The following KDM4C variants were observed in gnomAD, a reference collection of about 807,000 sequenced individuals.
The protein encoded by KDM4C is lysine-specific demethylase 4C.
Under a neutral mutation model 129.3 loss-of-function variants are expected in KDM4C, and 81 were observed. The ratio of observed to expected loss-of-function variants is 0.63; its 90% CI spans 0.52 to 0.75. KDM4C has a LOEUF of 0.75. Ranked by LOEUF, KDM4C falls within the 30% of genes least tolerant of loss-of-function variation. KDM4C has a pLI of 0.00. For synonymous variants in KDM4C, 573 were observed against 456.1 expected, an observed-to-expected ratio of 1.26 and a Z score of -3.26; for missense variants, 1,457 against 1,304.0, an observed-to-expected ratio of 1.12 and a Z score of -1.81.
intron 15 of KDM4C, among the ~76,000 whole-genome samples, chr9:7,019,669 T>C (rs1824303543): frequency 1.0e-5 from 1 of 97,138 alleles, no homozygotes; most frequent in Admixed American, 1.0e-4. Context: ...AGATTCTCTT[T>C]AAAAAGAGAG....
intron 17 of KDM4C, among the ~76,000 whole-genome samples, chr9:7,087,797 A>C (rs1835309986): frequency 6.6e-6 from 1 of 152,250 alleles, no homozygotes; most frequent in African/African-American, 2.4e-5. Context: ...TTTTATTTCT[A>C]AATGTCAATA....
intron 1 of KDM4C, chr9:6,721,190 C>T: frequency 2.2e-6 from 1 of 451,786 alleles, no homozygotes; most frequent in East Asian, 3.4e-5. Context: ...TCTCCCACCC[C>T]AGTCTTCCCA....
intron 5 of KDM4C, among the ~76,000 whole-genome samples, chr9:6,870,656 C>T (rs553433265): frequency 1.5e-3 from 226 of 152,104 alleles, no homozygotes; most frequent in Non-Finnish European, 2.7e-3. Context: ...GTCAGGCATA[C>T]AAGCTTATGC....
At chr9:7,029,928 T>G (rs1343550474) in intron 15 of KDM4C, among the ~76,000 whole-genome samples, 2 of 152,170 alleles carry the variant, frequency 1.3e-5, no homozygotes, top group Non-Finnish European at 2.9e-5. Flanking sequence ...AAACTCCAAA[T>G]AAAGTATCAG....
intron 5 of KDM4C, among the ~76,000 whole-genome samples, chr9:6,865,759 T>A (rs201798586): frequency 0.02 from 690 of 34,494 alleles, 4 homozygotes; most frequent in South Asian, 0.051. Flanking sequence ...TTATTTATTT[T>A]TTTTTTTGTG....
chr9:7,058,644 A>AAC (rs1212614843), intron 17 of KDM4C, among the ~76,000 whole-genome samples: 1 of 152,200 alleles, frequency 6.6e-6, no homozygotes, highest in Non-Finnish European at 1.5e-5. Context: ...ATTAAAAAAA[A>AAC]AGCCAGTTTC....
At chr9:6,730,959 C>T (rs1175058593) in intron 1 of KDM4C, among the ~76,000 whole-genome samples, 1 of 152,194 alleles carries the variant, frequency 6.6e-6, no homozygotes, top group Non-Finnish European at 1.5e-5. Flanking sequence ...AGTTAGGTTG[C>T]AGCTTGACCA....
chr9:6,860,763 A>G (rs192689535), intron 5 of KDM4C, among the ~76,000 whole-genome samples: 1 of 152,194 alleles, frequency 6.6e-6, no homozygotes, highest in African/African-American at 2.4e-5. Context: ...GTGTTTTTCC[A>G]TGTGTTACTT....
chr9:6,792,782 A>C (rs1006307500), intron 1 of KDM4C, among the ~76,000 whole-genome samples, 190 bp from the exon 2 acceptor site: 1 of 152,130 alleles, frequency 6.6e-6, no homozygotes, highest in African/African-American at 2.4e-5. Context: ...TGGCAAGAGG[A>C]ATGACTAGAG....
chr9:7,143,297 A>G (rs1186628253), intron 19 of KDM4C, among the ~76,000 whole-genome samples: 1 of 152,272 alleles, frequency 6.6e-6, no homozygotes, highest in African/African-American at 2.4e-5. Context: ...AGTAGATTGA[A>G]AAAAGATATC....
At chr9:7,154,467 G>T (rs898667748) in intron 19 of KDM4C, among the ~76,000 whole-genome samples, 1 of 152,286 alleles carries the variant, frequency 6.6e-6, no homozygotes, top group South Asian at 2.1e-4. Context: ...TAGTGATGGG[G>T]GTGGGGATAG....
chr9:7,138,277 G>A (rs1182213677), intron 19 of KDM4C, among the ~76,000 whole-genome samples: 1 of 152,240 alleles, frequency 6.6e-6, no homozygotes, highest in African/African-American at 2.4e-5. Flanking sequence ...GTGTGTTTCT[G>A]CAAATCAATT....
intron 19 of KDM4C, among the ~76,000 whole-genome samples, chr9:7,157,503 C>G (rs890619207): frequency 5.3e-5 from 8 of 152,116 alleles, no homozygotes; most frequent in Non-Finnish European, 1.0e-4. Context: ...TCATAGATAG[C>G]TCTTATTATT....
chr9:6,852,622 C>G (rs1839065084), intron 5 of KDM4C, among the ~76,000 whole-genome samples: 1 of 152,108 alleles, frequency 6.6e-6, no homozygotes, highest in South Asian at 2.1e-4. Flanking sequence ...GGGATGGTTG[C>G]CTTTACTTTT....
chr9:7,171,622 T>A (rs1213510421), intron 21 of KDM4C, among the ~76,000 whole-genome samples: 2 of 152,184 alleles, frequency 1.3e-5, no homozygotes, highest in Admixed American at 6.5e-5. Flanking sequence ...CTGAGTCTTG[T>A]AGATTTCAAA....
intron 18 of KDM4C, among the ~76,000 whole-genome samples, chr9:7,121,547 T>C (rs890799879): frequency 6.6e-6 from 1 of 152,210 alleles, no homozygotes; most frequent in African/African-American, 2.4e-5. Context: ...CAAAGTCGTA[T>C]GCACAGGATG....
intron 8 of KDM4C, among the ~76,000 whole-genome samples, chr9:6,976,818 AT>A (rs34764841): frequency 1.3e-5 from 2 of 150,306 alleles, no homozygotes; most frequent in African/African-American, 4.9e-5. Flanking sequence ...ATGTTGTTTG[AT>A]TTTTTTTTTG....
chr9:7,041,451 G>A (rs1049397898), intron 15 of KDM4C, among the ~76,000 whole-genome samples: 1 of 151,850 alleles, frequency 6.6e-6, no homozygotes, highest in African/African-American at 2.4e-5. Flanking sequence ...TGTCTCTATA[G>A]TCATTAAACT....
rs559527843 is a variant in KDM4C at position 6,986,414 on chromosome 9, A to C, written c.1425A>C (p.Arg475Ser). 223 of 1,613,976 alleles carry C rather than the reference A, an allele frequency of 1.4e-4. 1 individual carries two copies. In the South Asian group the frequency reaches 2.1e-3, roughly 15 times the overall value. The stretch of plus-strand genomic sequence containing the variant: ...AGGATGACAAAGCTTATGCATATAG[A>C]AGTGTACCTTCTATATCCAGTGAGG... The part of the protein sequence containing the change: ...KTEDDKAYAY[R>S]SVPSISSEAD... Residue 475 changes from arginine (R) to serine (S), a missense_variant, in exon 11 of 22, where the codon AGA (arginine) becomes AGC (serine). Transcript: ENST00000381309.
Sources: allele counts gnomAD v4.1 joint callset (sites outside exome capture counted in the v4.1 genomes callset), GRCh38; gene constraint gnomAD v4.1.1; transcripts MANE v1.5; gene names NCBI Gene and HGNC (gene_info 2026-07-23, HGNC 2026-07-21).